Variants in DOCK3 observed in about 807,000 individuals in gnomAD.
The protein encoded by DOCK3 is dedicator of cytokinesis 3, also known as dedicator of cytokinesis protein 3.
Under a neutral mutation model 265.6 loss-of-function variants are expected in DOCK3, and 60 were observed. The observed-to-expected ratio is 0.23, with a 90% CI of 0.18 to 0.28. The LOEUF (loss-of-function observed/expected upper bound fraction) is 0.28, where lower values mean the gene tolerates loss of function less well. DOCK3 is among the 10% of genes least tolerant of loss of function. The pLI, the probability that DOCK3 is intolerant of heterozygous loss-of-function variation, is 1.00. For synonymous variants in DOCK3, 881 were observed against 938.0 expected (o/e 0.94, Z 1.11); for missense variants, 1,981 against 2,594.3 (o/e 0.76, Z 5.14).
chr3:51,048,707 G>A (rs1224461896), intron 5 of DOCK3, among the ~76,000 whole-genome samples: 1 of 152,096 alleles, frequency 6.6e-6, no homozygotes, highest in Non-Finnish European at 1.5e-5. Context: ...CTAGCAATAA[G>A]CAATTATTTT....
chr3:51,278,392 G>A (rs2080928920), intron 26 of DOCK3: 1 of 985,396 alleles, frequency 1.0e-6, no homozygotes. Context: ...CAGCCCTGAG[G>A]TGGGGATGTG....
At chr3:50,951,790 T>C (rs562217439) in intron 5 of DOCK3, among the ~76,000 whole-genome samples, 8 of 145,116 alleles carry the variant, frequency 5.5e-5, no homozygotes, top group Non-Finnish European at 9.1e-5. Flanking sequence ...ATGCTAAGAC[T>C]GAAAAAAAAA....
At chr3:51,252,325 G>C (rs1489251788) in intron 22 of DOCK3, among the ~76,000 whole-genome samples, 1 of 152,212 alleles carries the variant, frequency 6.6e-6, no homozygotes, top group Non-Finnish European at 1.5e-5. Flanking sequence ...TTTTGGCTTA[G>C]AATTGTCTTG....
At chr3:50,919,344 G>T (rs1044836029) in intron 4 of DOCK3, among the ~76,000 whole-genome samples, 2 of 152,098 alleles carry the variant, frequency 1.3e-5, no homozygotes, top group South Asian at 2.1e-4. Context: ...ATAACCTTGG[G>T]CACTATGGCC....
chr3:50,869,547 T>C (rs2047337137), intron 3 of DOCK3, among the ~76,000 whole-genome samples: 1 of 151,380 alleles, frequency 6.6e-6, no homozygotes, highest in Admixed American at 6.6e-5. Context: ...ATTTCTTGTG[T>C]TTTTGGTAGA....
intron 11 of DOCK3, among the ~76,000 whole-genome samples, chr3:51,159,668 C>T (rs1043424666): frequency 6.6e-6 from 1 of 152,134 alleles, no homozygotes; most frequent in Non-Finnish European, 1.5e-5. Flanking sequence ...AACTTCACAG[C>T]AAAGGCCATT....
chr3:51,166,651 C>T (rs2086423073), intron 12 of DOCK3, among the ~76,000 whole-genome samples: 1 of 152,174 alleles, frequency 6.6e-6, no homozygotes, highest in Non-Finnish European at 1.5e-5. Context: ...TGATTACAGC[C>T]ATCCTAAGAG....
rs868528442 is a variant in DOCK3, at chr3:50,709,846, G to A, written c.37+34546G>A. Among the ~76,000 whole-genome samples the A allele has an allele frequency of 9.9e-5, 15 of 152,020 alleles. No individual in the cohort carries two copies. In the South Asian group the frequency reaches 1.5e-3, roughly 15 times the overall value. On this transcript the variant is annotated intron_variant, in intron 1 of 52. Transcript: ENST00000266037. ...CATCTCAAAAATAAATAAACAGGTG[G>A]GCTTTATCAGGTCAAGGAAGTTCAA...
intron 1 of DOCK3, among the ~76,000 whole-genome samples, chr3:50,730,984 T>C (rs938570700): frequency 1.3e-5 from 2 of 151,634 alleles, no homozygotes; most frequent in Non-Finnish European, 2.9e-5. Context: ...CAAAAAAAAT[T>C]AGCTGGGCGT....
intron 12 of DOCK3, among the ~76,000 whole-genome samples, chr3:51,206,469 G>A (rs2089215165): frequency 6.6e-6 from 1 of 152,044 alleles, no homozygotes; most frequent in African/African-American, 2.4e-5. Flanking sequence ...AAAAGAAGTA[G>A]TGGTCAGGTC....
intron 5 of DOCK3, among the ~76,000 whole-genome samples, chr3:51,019,604 TC>T (rs561117657): frequency 5.3e-5 from 8 of 152,024 alleles, no homozygotes; most frequent in East Asian, 3.9e-4. Flanking sequence ...CAGCTATTCT[TC>T]CTGATGCTCT....
At chr3:51,329,551 C>G (rs549655264) in intron 32 of DOCK3, among the ~76,000 whole-genome samples, 2 of 152,204 alleles carry the variant, frequency 1.3e-5, no homozygotes, top group South Asian at 2.1e-4. Flanking sequence ...ATGCAGGGGC[C>G]CGGTGATGGC....
At chr3:51,070,639 T>G (rs916078345) in intron 6 of DOCK3, among the ~76,000 whole-genome samples, 1 of 152,242 alleles carries the variant, frequency 6.6e-6, no homozygotes, top group Non-Finnish European at 1.5e-5. Flanking sequence ...AGTTCTTATC[T>G]GTATGCTGTT....
At chr3:51,324,604 G>A (rs1214897240) in intron 32 of DOCK3, among the ~76,000 whole-genome samples, 2 of 152,302 alleles carry the variant, frequency 1.3e-5, no homozygotes, top group African/African-American at 4.8e-5. Context: ...AGCCTGCATA[G>A]CCAAGATAAT....
chr3:51,033,303 T>TTAC (rs2080126541), intron 5 of DOCK3, among the ~76,000 whole-genome samples: 1 of 152,326 alleles, frequency 6.6e-6, no homozygotes, highest in South Asian at 2.1e-4. Flanking sequence ...TAAGCAGATG[T>TTAC]TACTTCTTCA....
At chr3:50,683,719 G>C (rs2034572718) in intron 1 of DOCK3, among the ~76,000 whole-genome samples, 1 of 152,118 alleles carries the variant, frequency 6.6e-6, no homozygotes, top group South Asian at 2.1e-4. Context: ...GCATTGAAAA[G>C]ATGTTAACTT....
chr3:50,940,056 G>GGCACACACATACACACACAAAC (rs1553709210), intron 5 of DOCK3, among the ~76,000 whole-genome samples: 1 of 40,714 alleles, frequency 2.5e-5, no homozygotes, highest in Non-Finnish European at 5.3e-5. Context: ...CATACCCACA[G>GGCACACACATACACACACAAAC]ACACACACAT....
chr3:50,734,717 G>C (rs2038465739), intron 1 of DOCK3, among the ~76,000 whole-genome samples: 1 of 142,166 alleles, frequency 7.0e-6, no homozygotes, highest in Admixed American at 7.6e-5. Flanking sequence ...ATTCTCCTGT[G>C]TCAGCCTCCC....
intron 5 of DOCK3, among the ~76,000 whole-genome samples, chr3:51,005,857 G>A (rs1482453069): frequency 1.3e-5 from 2 of 152,056 alleles, no homozygotes; most frequent in African/African-American, 4.8e-5. Context: ...AACACCAGAT[G>A]TCATTCTTTT....
Sources: allele counts gnomAD v4.1 joint callset (sites outside exome capture counted in the v4.1 genomes callset), GRCh38; gene constraint gnomAD v4.1.1; transcripts MANE v1.5; gene names NCBI Gene and HGNC (gene_info 2026-07-23, HGNC 2026-07-21).